CPEB3: variants seen among roughly 807,000 people sequenced by gnomAD.
CPEB3 encodes the protein cytoplasmic polyadenylation element binding protein 3.
A neutral mutation model predicts 67.2 loss-of-function variants in CPEB3; 20 were observed. The observed-to-expected ratio is 0.30, with a 90% CI of 0.21 to 0.43. The LOEUF (loss-of-function observed/expected upper bound fraction) is 0.43, where lower values mean the gene tolerates loss of function less well. Among genes scored for constraint, CPEB3 ranks in the 20% least tolerant of loss-of-function variants. CPEB3 has a pLI of 1.00. For missense variants in CPEB3, 746 were observed against 968.6 expected, an observed-to-expected ratio of 0.77 and a Z score of 3.05; for synonymous variants, 376 against 393.1, an observed-to-expected ratio of 0.96 and a Z score of 0.51.
chr10:92,161,372 A>G (rs1847468223), intron 4 of CPEB3, among the ~76,000 whole-genome samples: 2 of 151,096 alleles, frequency 1.3e-5, no homozygotes, highest in African/African-American at 4.9e-5. Context: ...CCTGGATTCA[A>G]CCGATTCTCC....
In CPEB3 at chr10:92,240,158, G is replaced by A. The variant is rs541327367; in HGVS notation, c.193C>T (p.Pro65Ser). 5.8e-6 allele frequency: 9 copies of A among 1,551,740 alleles called. No individual in the cohort carries two copies. The East Asian group carries it at 1.9e-4, about 33-fold the overall frequency. ...ALSPAAAPPA[P>S]NGPDKMQMES... ...ATCTGCATCTTGTCCGGGCCGTTGG[G>A]GGCCGGGGGGGCAGCGGCTGGGCTG... Residue 65 changes from proline to serine, a missense_variant, in exon 2 of 10, where the codon CCC becomes TCC. Coordinates refer to ENST00000265997, the MANE Select transcript of CPEB3 (RefSeq NM_014912.5).
chr10:92,081,505 C>CAA lies in CPEB3; in HGVS notation c.1688-6_1688-5dup, dbSNP rs536165859. ...TCCATGATCATTGCCAGTTCAACTG[C>CAA]AAAAAAAAAACAAAACATGGATGTG... On this transcript the variant is annotated splice_region_variant and splice_polypyrimidine_tract_variant and intron_variant, in intron 8 of 9. Transcript: ENST00000265997. The CAA allele has an allele frequency of 2.5e-5, 34 of 1,350,336 alleles. No individual in the cohort carries two copies. The highest frequency in any genetic ancestry group is 4.2e-5 in the South Asian group (3 of 71,460). 83.6% of individuals were successfully genotyped at this position (1,350,336 alleles called of 1,614,324 possible). A position where few individuals can be genotyped will look rare whatever the true frequency, so the allele number is the denominator to read the frequency against.
chr10:92,203,736 G>A (rs1222595857), intron 2 of CPEB3, among the ~76,000 whole-genome samples: 1 of 151,842 alleles, frequency 6.6e-6, no homozygotes, highest in Non-Finnish European at 1.5e-5. Flanking sequence ...TTGAGCTGAA[G>A]GAAGGCAAAG....
chr10:92,188,352 A>T (rs959172899), intron 3 of CPEB3, among the ~76,000 whole-genome samples: 2 of 122,264 alleles, frequency 1.6e-5, no homozygotes, highest in African/African-American at 6.5e-5. Context: ...AAAAAAAAAA[A>T]CCCAGGAGAT....
intron 6 of CPEB3, among the ~76,000 whole-genome samples, chr10:92,122,370 T>C (rs1845428800): frequency 6.6e-6 from 1 of 152,094 alleles, no homozygotes; most frequent in Non-Finnish European, 1.5e-5. Context: ...TTAGTTAGAG[T>C]ATAGGATTGA....
chr10:92,202,994 T>G (rs1043671731), intron 2 of CPEB3, among the ~76,000 whole-genome samples: 16 of 151,164 alleles, frequency 1.1e-4, no homozygotes, highest in African/African-American at 3.6e-4. Context: ...CAGGCTGGAG[T>G]GCAGTGGCGC....
intron 2 of CPEB3, chr10:92,216,388 CG>C (rs909827706): frequency 6.4e-5 from 103 of 1,612,238 alleles, no homozygotes; most frequent in Non-Finnish European, 7.8e-5. Flanking sequence ...AGGTGTGTTC[CG>C]GGGAGCGCAC....
At chr10:92,173,875 T>C (rs529328854) in intron 4 of CPEB3, among the ~76,000 whole-genome samples, 2 of 152,330 alleles carry the variant, frequency 1.3e-5, no homozygotes, top group East Asian at 3.9e-4. Context: ...TCCTTTACAA[T>C]GTATTCATAG....
At chr10:92,274,594 A>G (rs1337495520) in intron 1 of CPEB3, among the ~76,000 whole-genome samples, 2 of 152,178 alleles carry the variant, frequency 1.3e-5, no homozygotes, top group Admixed American at 1.3e-4. Flanking sequence ...TAATTCCAGG[A>G]CTTCGGGAGG....
At chr10:92,172,703 A>T (rs1848061397) in intron 4 of CPEB3, among the ~76,000 whole-genome samples, 1 of 152,182 alleles carries the variant, frequency 6.6e-6, no homozygotes, top group African/African-American at 2.4e-5. Flanking sequence ...GGGGGAAAAA[A>T]ACTGCATTTC....
intron 6 of CPEB3, among the ~76,000 whole-genome samples, chr10:92,117,512 A>C (rs1223506560): frequency 1.3e-5 from 2 of 149,556 alleles, no homozygotes; most frequent in African/African-American, 2.5e-5. Context: ...TTGTATTTTT[A>C]GTAGAGACGG....
chr10:92,143,816 A>T (rs1846552782), intron 5 of CPEB3, among the ~76,000 whole-genome samples: 2 of 152,224 alleles, frequency 1.3e-5, no homozygotes, highest in Non-Finnish European at 2.9e-5. Context: ...AGATGAGATT[A>T]ACATGAATAC....
chr10:92,063,123 C>G (rs953721798), intron 9 of CPEB3, among the ~76,000 whole-genome samples: 4 of 152,160 alleles, frequency 2.6e-5, no homozygotes, highest in Non-Finnish European at 5.9e-5. Context: ...AAGAGAAAGC[C>G]ATACTTTTTA....
At chr10:92,114,731 G>A (rs968222816) in intron 6 of CPEB3, among the ~76,000 whole-genome samples, 1 of 152,208 alleles carries the variant, frequency 6.6e-6, no homozygotes, top group South Asian at 2.1e-4. Flanking sequence ...CCAGTAAGTG[G>A]TGGAACCATG....
At chr10:92,150,256 C>CTTTTTTT (rs1191378027) in intron 4 of CPEB3, among the ~76,000 whole-genome samples, 2 of 144,274 alleles carry the variant, frequency 1.4e-5, no homozygotes, top group Non-Finnish European at 3.1e-5. Flanking sequence ...CTCTCTCTCT[C>CTTTTTTT]TTTTTTTTTT....
chr10:92,239,382 GA>G lies in CPEB3; in HGVS notation c.968del (p.Phe323SerfsTer31). ...ACAGATTGTTACCATTATCGGTCCG[GA>G]AAGCGTTATCCTCCATCCAGGACTT... is the stretch of plus-strand genomic sequence containing the variant. ...TSKSWMEDNA[F>X]RTDNGNNLLP... On this transcript the variant is annotated frameshift_variant, in exon 2 of 10. Coordinates refer to ENST00000265997, the MANE Select transcript of CPEB3 (RefSeq NM_014912.5). LOFTEE classifies it high-confidence loss of function. The surrounding 1 kb of genome is among the most constrained non-coding windows in gnomAD (Gnocchi z 6.0). The G allele has an allele frequency of 6.2e-7, 1 of 1,606,650 alleles. No homozygotes were observed. The highest frequency in any genetic ancestry group is 1.1e-5 in the South Asian group (1 of 89,780).
intron 6 of CPEB3, among the ~76,000 whole-genome samples, chr10:92,138,774 T>C (rs1846243211): frequency 6.6e-6 from 1 of 152,178 alleles, no homozygotes; most frequent in Admixed American, 6.5e-5. Flanking sequence ...ATAGCCACTA[T>C]GGAGAACAGC....
chr10:92,258,505 T>C (rs1852622516), intron 1 of CPEB3, among the ~76,000 whole-genome samples: 7 of 151,324 alleles, frequency 4.6e-5, no homozygotes, highest in Admixed American at 4.6e-4. Flanking sequence ...GTTTATTAGC[T>C]GGAGATTCCT....
chr10:92,215,085 T>C (rs531575191), intron 2 of CPEB3, among the ~76,000 whole-genome samples: 30 of 151,740 alleles, frequency 2.0e-4, no homozygotes, highest in South Asian at 6.2e-4. Flanking sequence ...TGACCTCAAG[T>C]GATCCACCCA....
Sources: allele counts gnomAD v4.1 joint callset (sites outside exome capture counted in the v4.1 genomes callset), GRCh38; gene constraint gnomAD v4.1.1; non-coding constraint Gnocchi (gnomAD v3.1); transcripts MANE v1.5; gene names NCBI Gene and HGNC (gene_info 2026-07-23, HGNC 2026-07-21).